Variants in DTWD2 observed in about 807,000 individuals in gnomAD.
The protein encoded by DTWD2 is tRNA-uridine aminocarboxypropyltransferase 2.
DTWD2 carries 39 observed loss-of-function variants against 31.8 expected under a neutral mutation model. The observed-to-expected ratio is 1.22, with a 90% CI of 0.95 to 1.60. The LOEUF (loss-of-function observed/expected upper bound fraction) is 1.60. Ranked by LOEUF, DTWD2 falls within the 40% of genes most tolerant of loss-of-function variation. The pLI, the probability that DTWD2 is intolerant of heterozygous loss-of-function variation, is 0.00. For missense variants in DTWD2, 515 were observed against 381.5 expected, an observed-to-expected ratio of 1.35 and a Z score of -2.92; for synonymous variants, 180 against 142.8, an observed-to-expected ratio of 1.26 and a Z score of -1.86.
chr5:118,852,973 A>T (rs530002936), intron 4 of DTWD2, among the ~76,000 whole-genome samples: 1 of 152,308 alleles, frequency 6.6e-6, no homozygotes, highest in South Asian at 2.1e-4. Flanking sequence ...ACAGAAAACC[A>T]AACCACATGT....
chr5:118,846,849 A>G (rs1751865467), intron 5 of DTWD2, among the ~76,000 whole-genome samples: 1 of 150,404 alleles, frequency 6.6e-6, no homozygotes, highest in South Asian at 2.1e-4. Flanking sequence ...ATGTTCCTTC[A>G]TGAATTTTTT....
At position 118,928,517 on chromosome 5, in the gene DTWD2, TGTTAAAATTACTA is replaced by T. The variant is rs752966856; in HGVS notation, c.597+7_597+19del. On this transcript the variant is annotated splice_region_variant and intron_variant, in intron 4 of 5. Transcript: ENST00000510708. Reference sequence around the variant, plus strand: ...TAATTATATATTTATATTTATTCTCTGTTAAAATTACTAGTTTACCTGTTTGGGATGTCGGAAC... The same window carrying T: ...TAATTATATATTTATATTTATTCTCTGTTTACCTGTTTGGGATGTCGGAAC... 2 of 1,441,018 alleles carry T rather than the reference TGTTAAAATTACTA, an allele frequency of 1.4e-6. No individual in the cohort carries two copies. Among genetic ancestry groups the T allele is most frequent in the Non-Finnish European group, 1.8e-6 (2 of 1,091,170 alleles). The allele number at this position is 1,441,018 out of a possible 1,614,324, so 89.3% of individuals were successfully genotyped here. A position where few individuals can be genotyped will look rare whatever the true frequency, so the allele number is the denominator to read the frequency against.
At chr5:118,988,217 C>T in intron 1 of DTWD2, 77 bp downstream of exon 1, 1 of 1,518,350 alleles carries the variant, frequency 6.6e-7, no homozygotes, top group Middle Eastern at 1.8e-4. Context: ...GAGCCGCCGA[C>T]TCCCCGGCAG....
chr5:118,856,625 T>C (rs1280480322), intron 4 of DTWD2, among the ~76,000 whole-genome samples: 10 of 152,182 alleles, frequency 6.6e-5, no homozygotes, highest in Admixed American at 6.6e-4. Flanking sequence ...AAGAGTTCCG[T>C]CTGTTCCATG....
chr5:118,958,639 C>G (rs886233191), intron 1 of DTWD2, among the ~76,000 whole-genome samples: 1 of 144,104 alleles, frequency 6.9e-6, no homozygotes, highest in African/African-American at 2.5e-5. Flanking sequence ...AACTAGAAAA[C>G]CTAGAAGAAA....
chr5:118,911,511 T>C (rs1211818454), intron 4 of DTWD2, among the ~76,000 whole-genome samples: 3 of 152,182 alleles, frequency 2.0e-5, no homozygotes, highest in Non-Finnish European at 2.9e-5. Flanking sequence ...TGGGTATATA[T>C]CCAAAGGAAT....
intron 4 of DTWD2, among the ~76,000 whole-genome samples, chr5:118,897,933 A>G (rs573080555): frequency 3.9e-5 from 6 of 152,210 alleles, no homozygotes; most frequent in East Asian, 1.9e-4. Flanking sequence ...CAGTGTCACA[A>G]TCATGGCTCA....
intron 1 of DTWD2, among the ~76,000 whole-genome samples, chr5:118,985,294 T>C (rs2149605839): frequency 6.6e-6 from 1 of 152,066 alleles, no homozygotes; most frequent in East Asian, 1.9e-4. Flanking sequence ...AGATTAAATA[T>C]TTCGTTATGT....
chr5:118,860,847 T>A (rs1447315173), intron 4 of DTWD2, among the ~76,000 whole-genome samples: 1 of 152,230 alleles, frequency 6.6e-6, no homozygotes. Context: ...TATTCTTCTA[T>A]AAGATTAATG....
At chr5:118,871,799 C>G (rs1236698419) in intron 4 of DTWD2, among the ~76,000 whole-genome samples, 1 of 152,124 alleles carries the variant, frequency 6.6e-6, no homozygotes, top group African/African-American at 2.4e-5. Flanking sequence ...CAACCTGAAA[C>G]TCACCAGCTG....
chr5:118,897,901 C>T (rs1484218395), intron 4 of DTWD2, among the ~76,000 whole-genome samples: 3 of 152,178 alleles, frequency 2.0e-5, no homozygotes, highest in Admixed American at 2.0e-4. Context: ...CAGGGTCTCA[C>T]TCCTACGCCC....
chr5:118,973,157 T>A (rs1260995568), intron 1 of DTWD2, among the ~76,000 whole-genome samples: 5 of 151,376 alleles, frequency 3.3e-5, no homozygotes, highest in African/African-American at 1.2e-4. Flanking sequence ...TCTTTGCACG[T>A]GAGATGGGTC....
intron 1 of DTWD2, among the ~76,000 whole-genome samples, chr5:118,958,202 C>T (rs868193473): frequency 3.3e-5 from 5 of 152,102 alleles, no homozygotes; most frequent in African/African-American, 4.8e-5. Flanking sequence ...CACCTGTAGT[C>T]CCAGCACTTT....
intron 3 of DTWD2, among the ~76,000 whole-genome samples, chr5:118,932,529 C>T (rs1476862747): frequency 1.3e-5 from 2 of 152,134 alleles, no homozygotes. Context: ...GTCCTAACCC[C>T]TAGTAGCTCA....
chr5:118,963,373 G>T (rs540015820), intron 1 of DTWD2, among the ~76,000 whole-genome samples: 182 of 152,268 alleles, frequency 1.2e-3, no homozygotes, highest in South Asian at 7.1e-3. Flanking sequence ...CAGAACAAAG[G>T]CATGGAGCCA....
chr5:118,857,892 C>CTG (rs1752175218), intron 4 of DTWD2, among the ~76,000 whole-genome samples: 1 of 152,164 alleles, frequency 6.6e-6, no homozygotes, highest in African/African-American at 2.4e-5. Context: ...ACTGGACTTA[C>CTG]TGCTTCCTCT....
chr5:118,879,224 C>T (rs1050049230), intron 4 of DTWD2, among the ~76,000 whole-genome samples: 4 of 152,118 alleles, frequency 2.6e-5, no homozygotes, highest in African/African-American at 9.7e-5. Flanking sequence ...ATAGCAAAGT[C>T]ATGGAATCAA....
chr5:118,971,762 A>C (rs750443163), intron 1 of DTWD2, among the ~76,000 whole-genome samples: 6 of 152,214 alleles, frequency 3.9e-5, no homozygotes, highest in Admixed American at 6.5e-5. Flanking sequence ...AAAGAACTGA[A>C]ATGATAACAA....
chr5:118,966,467 A>G (rs1754852156), intron 1 of DTWD2, among the ~76,000 whole-genome samples: 1 of 152,232 alleles, frequency 6.6e-6, no homozygotes, highest in East Asian at 1.9e-4. Context: ...GTCACCTCAA[A>G]GTTACTCCAA....
Sources: allele counts gnomAD v4.1 joint callset (sites outside exome capture counted in the v4.1 genomes callset), GRCh38; gene constraint gnomAD v4.1.1; transcripts MANE v1.5; gene names NCBI Gene and HGNC (gene_info 2026-07-23, HGNC 2026-07-21).